PTPRD: variants seen among roughly 807,000 people sequenced by gnomAD.
PTPRD encodes the protein protein tyrosine phosphatase receptor type D, also known as receptor-type tyrosine-protein phosphatase delta.
Under a neutral mutation model 214.5 loss-of-function variants are expected in PTPRD, and 34 were observed. The observed-to-expected ratio is 0.16, with a 90% CI of 0.12 to 0.21. The LOEUF (loss-of-function observed/expected upper bound fraction) is 0.21, where lower values mean the gene tolerates loss of function less well. Among genes scored for constraint, PTPRD ranks in the 10% least tolerant of loss-of-function variants. The pLI, the probability that PTPRD is intolerant of heterozygous loss-of-function variation, is 1.00. For synonymous variants in PTPRD, 1,128 were observed against 845.7 expected (o/e 1.33, Z -5.79); for missense variants, 2,545 against 2,398.7 (o/e 1.06, Z -1.27).
chr9:8,642,584 T>C (rs2096600713), intron 12 of PTPRD, among the ~76,000 whole-genome samples: 1 of 152,180 alleles, frequency 6.6e-6, no homozygotes, highest in Admixed American at 6.5e-5. Context: ...AGCGTCAGGA[T>C]GAGAGCTCTG....
At chr9:8,445,366 T>G (rs1332845378) in intron 34 of PTPRD, among the ~76,000 whole-genome samples, 1 of 152,192 alleles carries the variant, frequency 6.6e-6, no homozygotes, top group Non-Finnish European at 1.5e-5. Flanking sequence ...AGACAGACAC[T>G]TACAATCAAT....
At chr9:8,570,748 T>C (rs2090883407) in intron 14 of PTPRD, among the ~76,000 whole-genome samples, 1 of 152,092 alleles carries the variant, frequency 6.6e-6, no homozygotes, top group African/African-American at 2.4e-5. Flanking sequence ...CTGTGTTTGT[T>C]TTAAGCTGTA....
Position 8,506,249 on chromosome 9 carries a change from T to G in PTPRD, c.1677+1052A>C, listed in dbSNP as rs1209092677. ...AGGGACTGTTTCACTTTGTGAAGAT[T>G]TTTTTTTCAGATAAAAAATGCTAAG... On this transcript the variant is annotated intron_variant, in intron 22 of 45. Transcript: ENST00000381196. Among the ~76,000 whole-genome samples, 6 of 151,984 alleles carry G rather than the reference T, an allele frequency of 3.9e-5. No individual in the cohort carries two copies. The East Asian group carries it at 1.2e-3, about 30-fold the overall frequency.
At chr9:10,401,251 T>G (rs2098264975) in intron 2 of PTPRD, among the ~76,000 whole-genome samples, 1 of 151,678 alleles carries the variant, frequency 6.6e-6, no homozygotes, top group Admixed American at 6.6e-5. Context: ...TTTTATTTAA[T>G]ACAGCAGTAG....
At chr9:10,491,414 G>T (rs551932174) in intron 2 of PTPRD, among the ~76,000 whole-genome samples, 1 of 151,948 alleles carries the variant, frequency 6.6e-6, no homozygotes, top group Non-Finnish European at 1.5e-5. Context: ...GACATTTTCT[G>T]TATTTTATAG....
chr9:9,314,040 G>C (rs1167332428), intron 9 of PTPRD, among the ~76,000 whole-genome samples: 1 of 151,998 alleles, frequency 6.6e-6, no homozygotes, highest in Non-Finnish European at 1.5e-5. Context: ...ACAAATAAGA[G>C]GAAAATTGTT....
chr9:8,843,651 G>C (rs987859076), intron 11 of PTPRD, among the ~76,000 whole-genome samples: 1 of 152,054 alleles, frequency 6.6e-6, no homozygotes, highest in African/African-American at 2.4e-5. Flanking sequence ...TGGAATACTG[G>C]GATAAAAAAG....
At chr9:8,810,570 G>A (rs2096781156) in intron 11 of PTPRD, among the ~76,000 whole-genome samples, 1 of 152,072 alleles carries the variant, frequency 6.6e-6, no homozygotes, top group African/African-American at 2.4e-5. Context: ...CTCTTGATTG[G>A]GCTTGGGTTA....
intron 2 of PTPRD, among the ~76,000 whole-genome samples, chr9:10,372,506 T>A (rs2154478440): frequency 6.6e-6 from 1 of 152,224 alleles, no homozygotes; most frequent in African/African-American, 2.4e-5. Flanking sequence ...CCTGTTTGCC[T>A]TGAATTCTTA....
chr9:8,658,901 C>G (rs1480507649), intron 12 of PTPRD, among the ~76,000 whole-genome samples: 1 of 152,054 alleles, frequency 6.6e-6, no homozygotes, highest in Non-Finnish European at 1.5e-5. Flanking sequence ...GATATCTAGA[C>G]AATTAACTAA....
intron 8 of PTPRD, among the ~76,000 whole-genome samples, chr9:9,419,919 A>C (rs978779184): frequency 9.2e-5 from 14 of 151,850 alleles, no homozygotes; most frequent in African/African-American, 3.4e-4. Flanking sequence ...ACAAAGTATA[A>C]CATCAAAATA....
intron 9 of PTPRD, among the ~76,000 whole-genome samples, chr9:9,311,373 C>T (rs1958953441): frequency 6.6e-6 from 1 of 152,034 alleles, no homozygotes; most frequent in African/African-American, 2.4e-5. Flanking sequence ...CAGCTACCAG[C>T]ATATTAACAA....
At chr9:10,216,775 G>T (rs2099543219) in intron 3 of PTPRD, among the ~76,000 whole-genome samples, 1 of 151,958 alleles carries the variant, frequency 6.6e-6, no homozygotes, top group Admixed American at 6.6e-5. Context: ...ATCCCGAAAA[G>T]CAGTGATTTG....
At chr9:10,598,393 C>A (rs2077094249) in intron 2 of PTPRD, among the ~76,000 whole-genome samples, 1 of 151,806 alleles carries the variant, frequency 6.6e-6, no homozygotes, top group Non-Finnish European at 1.5e-5. Context: ...AATGCAGATA[C>A]AGCAGCATGG....
intron 9 of PTPRD, among the ~76,000 whole-genome samples, chr9:9,244,329 G>C (rs1325188500): frequency 6.6e-6 from 1 of 152,030 alleles, no homozygotes; most frequent in African/African-American, 2.4e-5. Flanking sequence ...GCATTGCCAA[G>C]TCAATCCTAA....
intron 3 of PTPRD, among the ~76,000 whole-genome samples, chr9:10,338,358 C>A (rs1377353192): frequency 6.6e-6 from 1 of 151,640 alleles, no homozygotes; most frequent in Non-Finnish European, 1.5e-5. Context: ...CGATTTCTAT[C>A]CATACCAATA....
Position 9,200,953 on chromosome 9 carries a change from T to A in PTPRD, c.-202-17590A>T, listed in dbSNP as rs751929056. Among the ~76,000 whole-genome samples, 142 of 152,216 alleles carry A rather than the reference T, an allele frequency of 9.3e-4. 2 individuals are homozygous for A. Among genetic ancestry groups the A allele is most frequent in the Admixed American group, 3.9e-4 (6 of 15,272 alleles). On this transcript the variant is annotated intron_variant, in intron 9 of 45. Coordinates refer to ENST00000381196, the MANE Select transcript of PTPRD (RefSeq NM_002839.4). ...ATTAAAAAGCTAATCTCTTCTTATA[T>A]GAAGCACAGTGTATGCTGCAAATAT...
chr9:8,607,100 C>T (rs1378509473), intron 14 of PTPRD, among the ~76,000 whole-genome samples: 2 of 152,036 alleles, frequency 1.3e-5, no homozygotes, highest in African/African-American at 2.4e-5. Context: ...GAAACAAGTT[C>T]AAGAGATCTA....
chr9:10,444,058 G>C (rs551246009), intron 2 of PTPRD, among the ~76,000 whole-genome samples: 249 of 151,400 alleles, frequency 1.6e-3, no homozygotes, highest in African/African-American at 5.5e-3. Context: ...TGAAGTCAAG[G>C]GTCAATAATT....
Sources: gnomAD v4.1 joint callset for allele counts (sites outside exome capture counted in the v4.1 genomes callset) on GRCh38, gnomAD v4.1.1 for gene constraint, MANE v1.5 for transcripts, NCBI Gene and HGNC (gene_info 2026-07-23, HGNC 2026-07-21) for gene names.